The following SLC7A11 variants were observed in gnomAD, a reference collection of about 807,000 sequenced individuals.
The protein encoded by SLC7A11 is solute carrier family 7 member 11, also known as cystine/glutamate transporter.
Under a neutral mutation model 54.5 loss-of-function variants are expected in SLC7A11, and 35 were observed. That is an observed-to-expected ratio of 0.64 (90% CI 0.49 to 0.85). The LOEUF (loss-of-function observed/expected upper bound fraction) is 0.85, where lower values mean the gene tolerates loss of function less well. Among genes scored for constraint, SLC7A11 ranks in the 40% least tolerant of loss-of-function variants. The pLI is 0.00. For synonymous variants in SLC7A11, 230 were observed against 225.2 expected (o/e 1.02, Z -0.19); for missense variants, 583 against 618.1 (o/e 0.94, Z 0.60).
At chr4:138,223,405 A>T (rs181878967) in intron 3 of SLC7A11, 81 bp from the exon 4 acceptor site, 41 of 1,446,302 alleles carry the variant, frequency 2.8e-5, no homozygotes, top group Non-Finnish European at 9.6e-7. Context: ...CTCAAAGGGC[A>T]ATCTGTGAGG....
At chr4:138,234,283 C>T (rs1298662416) in intron 2 of SLC7A11, among the ~76,000 whole-genome samples, 1 of 152,102 alleles carries the variant, frequency 6.6e-6, no homozygotes, top group Non-Finnish European at 1.5e-5. Context: ...TCCTTGAAAT[C>T]TGTGTTTTAC....
rs552660546 is a variant in SLC7A11 at position 138,242,087 on chromosome 4, G to A, written c.-18C>T. ...CTGACCATAGTAGGGACACACGGGG[G>A]AAAAATAAAACAGAGGGAAAGAAAA... is the stretch of plus-strand genomic sequence containing the variant. On this transcript the variant is annotated 5_prime_UTR_variant, in exon 1 of 12. Coordinates refer to ENST00000280612, the MANE Select transcript of SLC7A11 (RefSeq NM_014331.4). 8 of 1,611,190 alleles carry A rather than the reference G, an allele frequency of 5.0e-6. No homozygotes were observed. In the South Asian group the frequency reaches 8.8e-5, roughly 18 times the overall value.
chr4:138,180,541 C>T, intron 10 of SLC7A11, 100 bp downstream of exon 10: 1 of 1,165,142 alleles, frequency 8.6e-7, no homozygotes, highest in Admixed American at 2.4e-5. Context: ...TCCACAGATG[C>T]TGCCCCCAGC....
chr4:138,193,369 G>GT (rs1431450546), intron 6 of SLC7A11, among the ~76,000 whole-genome samples: 13 of 152,122 alleles, frequency 8.5e-5, no homozygotes, highest in African/African-American at 3.1e-4. Flanking sequence ...TCTCTTACTA[G>GT]TTTTATGTAT....
intron 6 of SLC7A11, among the ~76,000 whole-genome samples, chr4:138,197,242 T>C (rs900247251): frequency 1.3e-5 from 2 of 152,066 alleles, no homozygotes; most frequent in Non-Finnish European, 2.9e-5. Context: ...TTTCGATAAT[T>C]ATCAGAATCA....
In SLC7A11 at chr4:138,236,336, G is replaced by A; in HGVS notation, c.393C>T (p.Leu131=). The change falls in exon 2 of 12, where the codon CTC becomes CTT. Residue 131 remains leucine, a synonymous_variant. Transcript: ENST00000280612. ...TACTATGCTCTTACCGTATTATGAG[G>A]AGTTCCACCCAGACTCGTACAAAAG... ...LPAFVRVWVE[L]LIIRPAATAV... is the part of the protein sequence containing the mutation. 2.5e-6 allele frequency: 4 copies of A among 1,610,360 alleles called. No homozygotes were observed. In the South Asian group the frequency reaches 4.4e-5, roughly 18 times the overall value.
At chr4:138,187,886 A>G (rs531865453) in intron 6 of SLC7A11, among the ~76,000 whole-genome samples, 75 of 152,230 alleles carry the variant, frequency 4.9e-4, no homozygotes, top group Admixed American at 1.4e-3. Context: ...GAAGGAGGGA[A>G]GGTAACCATG....
At position 138,179,410 on chromosome 4, in the gene SLC7A11, C is replaced by CA. The variant is rs759689139; in HGVS notation, c.1267-17dup. On this transcript the variant is annotated splice_polypyrimidine_tract_variant and intron_variant, in intron 10 of 11. Coordinates refer to ENST00000280612, the MANE Select transcript of SLC7A11 (RefSeq NM_014331.4). The stretch of plus-strand genomic sequence containing the variant: ...ACAGTGGCACCTGGAACACAGAACA[C>CA]AAAAAAGTCACTTCAAACATGTTCA... The CA allele has an allele frequency of 6.2e-7, 1 of 1,606,190 alleles. No homozygotes were observed. Among genetic ancestry groups the CA allele is most frequent in the South Asian group, 1.1e-5 (1 of 90,046 alleles).
At chr4:138,179,494 T>C (rs1302930684) in intron 10 of SLC7A11, 100 bp from the exon 11 acceptor site, 15 of 1,000,640 alleles carry the variant, frequency 1.5e-5, no homozygotes, top group Non-Finnish European at 2.2e-5. Context: ...TTTAGTGATA[T>C]GCTGTAGTCA....
chr4:138,183,324 A>G lies in SLC7A11; in HGVS notation c.916-19T>C. 1 of 1,539,486 alleles carries G rather than the reference A, an allele frequency of 6.5e-7. No individual in the cohort carries two copies. Among genetic ancestry groups the G allele is most frequent in the South Asian group, 1.1e-5 (1 of 88,052 alleles). On this transcript the variant is annotated intron_variant, in intron 7 of 11. Coordinates refer to ENST00000280612, the MANE Select transcript of SLC7A11 (RefSeq NM_014331.4). ...AAAAGGTCTAGTGAAAGAAAGAACG[A>G]AGCAAATTAATGCCTTGCCAGAAAG...
rs1380186497 is a variant in SLC7A11 at position 138,165,202 on chromosome 4, T to C, written c.*6754A>G. ...ACCATCTTTATAAAGTAAATTCAGA[T>C]ATGCTTACAATAAAAAGACATAAAA... On this transcript the variant is annotated 3_prime_UTR_variant, in exon 12 of 12. Coordinates refer to ENST00000280612, the MANE Select transcript of SLC7A11 (RefSeq NM_014331.4). The C allele has an allele frequency of 1.3e-5, 2 of 152,580 alleles. No individual in the cohort carries two copies. Among genetic ancestry groups the C allele is most frequent in the Admixed American group, 1.3e-4 (2 of 15,258 alleles). The allele number at this position is 152,580 out of a possible 1,614,324, so 9.5% of individuals were successfully genotyped here. A position where few individuals can be genotyped will look rare whatever the true frequency, so the allele number is the denominator to read the frequency against.
chr4:138,198,111 A>G (rs952989229), intron 6 of SLC7A11, among the ~76,000 whole-genome samples: 23 of 151,500 alleles, frequency 1.5e-4, no homozygotes, highest in Non-Finnish European at 2.8e-4. Context: ...CATTCCAGAT[A>G]AGGTAAAGAG....
intron 8 of SLC7A11, 76 bp downstream of exon 8, chr4:138,183,126 T>G: frequency 1.9e-6 from 2 of 1,044,318 alleles, no homozygotes; most frequent in Non-Finnish European, 2.9e-6. Context: ...CTATTTCTTT[T>G]CTTTTTAAAG....
In SLC7A11 at chr4:138,179,350, G is replaced by C; in HGVS notation, c.1311C>G (p.Phe437Leu). Residue 437 changes from phenylalanine (F) to leucine (L), a missense_variant, in exon 11 of 12, where the codon TTC becomes TTG. Phe to Leu is a conservative substitution (Grantham distance 22). Transcript: ENST00000280612. Reference sequence around the variant, plus strand: ...CCGAATAGAGGGAAAGGGCAACCATGAAGAGGCATGTGAAGGAAAACAAAG... The same window carrying C: ...CCGAATAGAGGGAAAGGGCAACCATCAAGAGGCATGTGAAGGAAAACAAAG... ...IPALFSFTCL[F>L]MVALSLYSDP... 6.2e-7 allele frequency: 1 copy of C among 1,612,542 alleles called. No individual in the cohort carries two copies.
intron 3 of SLC7A11, among the ~76,000 whole-genome samples, chr4:138,230,935 G>A (rs1463442515): frequency 6.6e-6 from 1 of 152,110 alleles, no homozygotes; most frequent in Non-Finnish European, 1.5e-5. Flanking sequence ...TAGGTCTCTA[G>A]TCTCCTGGAA....
At chr4:138,174,142 C>T in intron 11 of SLC7A11, among the ~76,000 whole-genome samples, 1 of 152,210 alleles carries the variant, frequency 6.6e-6, no homozygotes, top group East Asian at 1.9e-4. Flanking sequence ...CTGCCCTCCA[C>T]ACCCAACATG....
rs1736211858 is a variant in SLC7A11, at chr4:138,164,708, A to C, written c.*7248T>G. 6.6e-6 allele frequency: 1 copy of C among 152,154 alleles called. No individual in the cohort carries two copies. The highest frequency in any genetic ancestry group is 1.5e-5 in the Non-Finnish European group (1 of 68,006). The allele number at this position is 152,154 out of a possible 1,614,324, so 9.4% of individuals were successfully genotyped here. ...CTAAGTTTCATGATCACAGTGCCAG[A>C]GTGAAGAAACTCTGCTTGAGTTGAG... On this transcript the variant is annotated 3_prime_UTR_variant, in exon 12 of 12. Transcript: ENST00000280612.
At position 138,180,650 on chromosome 4, in the gene SLC7A11, A is replaced by G. The variant is rs758102431; in HGVS notation, c.1257T>C (p.Arg419=). 1 of 1,612,846 alleles carries G rather than the reference A, an allele frequency of 6.2e-7. No individual in the cohort carries two copies. The highest frequency in any genetic ancestry group is 1.7e-5 in the Admixed American group (1 of 59,868). ...AGATTGCTGAGGTTACCTTGAAAGG[A>G]CGATGCATATCTGGGCATTTGTATC... ...YLRYKCPDMH[R]PFKVPLFIPA... is the part of the protein sequence containing the mutation. Residue 419 remains arginine, a synonymous_variant, in exon 10 of 12, where the codon CGT becomes CGC. Transcript: ENST00000280612.
At chr4:138,239,404 T>C (rs1051451854) in intron 1 of SLC7A11, among the ~76,000 whole-genome samples, 2 of 152,266 alleles carry the variant, frequency 1.3e-5, no homozygotes, top group South Asian at 2.1e-4. Context: ...AAAAAGTATA[T>C]ATATGTATTA....
Sources: allele counts gnomAD v4.1 joint callset (sites outside exome capture counted in the v4.1 genomes callset), GRCh38; gene constraint gnomAD v4.1.1; transcripts MANE v1.5; gene names NCBI Gene and HGNC (gene_info 2026-07-23, HGNC 2026-07-21).